The following ATP5F1A variants were observed in gnomAD, a reference collection of about 807,000 sequenced individuals.
ATP5F1A encodes the protein ATP synthase F1 subunit alpha.
ATP5F1A carries 24 observed loss-of-function variants against 57.4 expected under a neutral mutation model. The ratio of observed to expected loss-of-function variants is 0.42; its 90% CI spans 0.30 to 0.59. The LOEUF (loss-of-function observed/expected upper bound fraction) is 0.59, where lower values mean the gene tolerates loss of function less well. ATP5F1A is among the 20% of genes least tolerant of loss of function. The pLI is 0.19. For synonymous variants in ATP5F1A, 251 were observed against 255.5 expected (o/e 0.98, Z 0.17); for missense variants, 494 against 707.9 (o/e 0.70, Z 3.43).
intron 1 of ATP5F1A, chr18:46,097,892 C>G (rs1911079644): frequency 8.2e-7 from 1 of 1,223,248 alleles, no homozygotes; most frequent in Non-Finnish European, 1.0e-6. Flanking sequence ...CACCCAAGAT[C>G]CCCCTTCTAG....
chr18:46,094,979 C>T, intron 2 of ATP5F1A, 74 bp downstream of exon 2: 1 of 1,464,752 alleles, frequency 6.8e-7, no homozygotes, highest in Non-Finnish European at 9.1e-7. Context: ...AAACAACTCA[C>T]CACAGTTATA....
chr18:46,097,368 G>A (rs894024488), intron 1 of ATP5F1A, among the ~76,000 whole-genome samples: 8 of 152,036 alleles, frequency 5.3e-5, no homozygotes, highest in Admixed American at 5.2e-4. Flanking sequence ...TAATTTCAAG[G>A]GAAACAAATA....
At chr18:46,085,306 T>TA (rs570529381) in intron 10 of ATP5F1A, 2,898 of 106,534 alleles carry the variant, frequency 0.027, 57 homozygotes, top group African/African-American at 0.063. Flanking sequence ...GACTCTGTAT[T>TA]AAAAAAAAAA....
chr18:46,098,471 C>G (rs1441882289), upstream of ATP5F1A: 1 of 1,268,954 alleles, frequency 7.9e-7, no homozygotes, highest in African/African-American at 1.5e-5. Context: ...TAGATATATT[C>G]CGGCTTTGGT....
chr18:46,088,367 C>T, intron 5 of ATP5F1A, 110 bp from the exon 6 acceptor site: 2 of 1,035,714 alleles, frequency 1.9e-6, no homozygotes, highest in South Asian at 1.8e-5. Context: ...AAGAAGAAGA[C>T]ATAAGAAACT....
chr18:46,098,188 G>A lies in ATP5F1A; in HGVS notation c.44C>T (p.Pro15Leu), dbSNP rs1279574722. The A allele has an allele frequency of 6.9e-6, 11 of 1,605,764 alleles. No homozygotes were observed. In the South Asian group the frequency reaches 9.9e-5, roughly 14 times the overall value. ...RVAAAVVRAL[P>L]RRAGLVSRNA... Reference sequence around the variant, plus strand: ...GGTGCTCACCAGTCCGGCCCGCCGAGGAAGGGCGCGGACCACGGCCGCAGC... The same window carrying A: ...GGTGCTCACCAGTCCGGCCCGCCGAAGAAGGGCGCGGACCACGGCCGCAGC... Residue 15 changes from proline (P) to leucine (L), a missense_variant, in exon 1 of 12, where the codon CCT becomes CTT. Coordinates refer to ENST00000398752, the MANE Select transcript of ATP5F1A (RefSeq NM_004046.6).
At chr18:46,103,790 C>T (rs1198570774) in intron 1 of ATP5F1A, among the ~76,000 whole-genome samples, 1 of 151,042 alleles carries the variant, frequency 6.6e-6, no homozygotes, top group Non-Finnish European at 1.5e-5. Context: ...GGCGCTTGCC[C>T]GTAGTCCCAG....
At chr18:46,097,981 T>A in intron 1 of ATP5F1A, 191 bp downstream of exon 1, 1 of 1,409,008 alleles carries the variant, frequency 7.1e-7, no homozygotes. Context: ...CCTGTACCAT[T>A]CTGCCTCTGC....
rs114426626 is a variant in ATP5F1A, at chr18:46,094,865, G to A, written c.139+188C>T. ...ATCAAAAGAAAAATATGTAACAGTA[G>A]TTCATTTGACTATAACAAGAGAACC... On this transcript the variant is annotated intron_variant, in intron 2 of 11. Transcript: ENST00000398752. The A allele has an allele frequency of 4.2e-3, 3,739 of 887,530 alleles. 94 individuals carry two copies. The African/African-American group carries it at 0.059, about 14-fold the overall frequency. The allele number at this position is 887,530 out of a possible 1,614,324, so 55.0% of individuals were successfully genotyped here. A position where few individuals can be genotyped will look rare whatever the true frequency, so the allele number is the denominator to read the frequency against.
At chr18:46,093,695 G>A (rs1248899809) in intron 2 of ATP5F1A, among the ~76,000 whole-genome samples, 3 of 152,036 alleles carry the variant, frequency 2.0e-5, no homozygotes, top group Admixed American at 6.5e-5. Flanking sequence ...GTGGTGGTGC[G>A]TGCCTGTAAT....
intron 10 of ATP5F1A, 66 bp downstream of exon 10, chr18:46,086,039 ATGCAGCTC>A: frequency 1.3e-6 from 2 of 1,516,244 alleles, no homozygotes; most frequent in Non-Finnish European, 1.8e-6. Context: ...GTGATATGTG[ATGCAGCTC>A]TGTAGGCCTG....
intron 1 of ATP5F1A, among the ~76,000 whole-genome samples, chr18:46,103,422 G>A (rs1911345127): frequency 6.6e-6 from 1 of 151,400 alleles, no homozygotes; most frequent in South Asian, 2.1e-4. Context: ...CCAACCTGAT[G>A]AGATCCCATC....
chr18:46,098,082 T>G, intron 1 of ATP5F1A, 90 bp downstream of exon 1: 1 of 1,474,736 alleles, frequency 6.8e-7, no homozygotes, highest in African/African-American at 1.4e-5. Context: ...CCACAGCCCC[T>G]CGCCCTCCTG....
chr18:46,098,362 A>AAACCCC (rs1555696620), upstream of ATP5F1A: 4 of 1,192,938 alleles, frequency 3.4e-6, no homozygotes, highest in South Asian at 2.1e-5. Context: ...CCTCGCGTTC[A>AAACCCC]CCACCTCTCC....
chr18:46,098,081 C>T (rs1160451737), intron 1 of ATP5F1A, 91 bp downstream of exon 1: 3 of 1,474,340 alleles, frequency 2.0e-6, no homozygotes, highest in African/African-American at 1.4e-5. Flanking sequence ...GCCACAGCCC[C>T]TCGCCCTCCT....
intron 9 of ATP5F1A, 62 bp from the exon 10 acceptor site, chr18:46,086,319 AAT>A: frequency 1.2e-6 from 1 of 813,198 alleles, no homozygotes; most frequent in Non-Finnish European, 1.8e-6. Context: ...AAATATAGTT[AAT>A]ATATTAATAC....
chr18:46,096,211 C>T (rs1337077427), intron 1 of ATP5F1A, among the ~76,000 whole-genome samples: 1 of 150,246 alleles, frequency 6.7e-6, no homozygotes, highest in African/African-American at 2.4e-5. Context: ...TTTTAAAAAG[C>T]AACTATTGGC....
At chr18:46,103,423 A>C (rs1342951617) in intron 1 of ATP5F1A, among the ~76,000 whole-genome samples, 1 of 151,414 alleles carries the variant, frequency 6.6e-6, no homozygotes, top group Non-Finnish European at 1.5e-5. Context: ...CAACCTGATG[A>C]GATCCCATCT....
At chr18:46,100,564 C>A (rs1341036364), upstream of ATP5F1A, among the ~76,000 whole-genome samples, 1 of 151,652 alleles carries the variant, frequency 6.6e-6, no homozygotes, top group Non-Finnish European at 1.5e-5. Flanking sequence ...GAGCTGTGAT[C>A]ACACCGGAAC....
Sources: allele counts gnomAD v4.1 joint callset (sites outside exome capture counted in the v4.1 genomes callset), GRCh38; gene constraint gnomAD v4.1.1; transcripts MANE v1.5; gene names NCBI Gene and HGNC (gene_info 2026-07-23, HGNC 2026-07-21).